ZSCAN5A: variants seen among roughly 807,000 people sequenced by gnomAD.
ZSCAN5A encodes zinc finger and SCAN domain containing 5A.
ZSCAN5A carries 12 observed loss-of-function variants against 23.7 expected under a neutral mutation model. That is an observed-to-expected ratio of 0.51 (90% CI 0.32 to 0.82). ZSCAN5A has a LOEUF of 0.82. ZSCAN5A is among the 40% of genes least tolerant of loss of function. The pLI, the probability that ZSCAN5A is intolerant of heterozygous loss-of-function variation, is 0.03. For missense variants in ZSCAN5A, 597 were observed against 617.9 expected (o/e 0.97, Z 0.36); for synonymous variants, 257 against 239.9 (o/e 1.07, Z -0.66).
intron 2 of ZSCAN5A, among the ~76,000 whole-genome samples, chr19:56,264,155 A>C (rs1330560384): frequency 6.6e-6 from 1 of 151,784 alleles, no homozygotes; most frequent in African/African-American, 2.4e-5. Context: ...CACCTCACCC[A>C]GCTTAATTTT....
chr19:56,225,286 G>C, intron 2 of ZSCAN5A, 113 bp from the exon 3 acceptor site: 8 of 1,026,426 alleles, frequency 7.8e-6, no homozygotes, highest in Non-Finnish European at 9.2e-6. Context: ...ATTCAGCACA[G>C]TGGAAATCTT....
chr19:56,237,259 C>T (rs891049011), intron 2 of ZSCAN5A, among the ~76,000 whole-genome samples: 6 of 152,196 alleles, frequency 3.9e-5, no homozygotes, highest in Non-Finnish European at 5.9e-5. Flanking sequence ...GTGGACAACT[C>T]CATCCGGTAA....
chr19:56,230,826 C>A (rs2034402883), intron 2 of ZSCAN5A, among the ~76,000 whole-genome samples: 1 of 152,172 alleles, frequency 6.6e-6, no homozygotes, highest in Admixed American at 6.5e-5. Flanking sequence ...CTTAGCCTAG[C>A]CTACCTTCGA....
chr19:56,313,630 C>G (rs2041183142), intron 1 of ZSCAN5A, among the ~76,000 whole-genome samples: 1 of 152,210 alleles, frequency 6.6e-6, no homozygotes, highest in Non-Finnish European at 1.5e-5. Flanking sequence ...AATTTTTAAA[C>G]TAGCTTTATA....
intron 2 of ZSCAN5A, among the ~76,000 whole-genome samples, chr19:56,343,618 A>G (rs2041611014): frequency 6.6e-6 from 1 of 152,246 alleles, no homozygotes; most frequent in Non-Finnish European, 1.5e-5. Flanking sequence ...AGACTAATTT[A>G]CAGAAGGTCA....
chr19:56,251,581 A>G (rs2036347000), intron 2 of ZSCAN5A, among the ~76,000 whole-genome samples: 1 of 152,152 alleles, frequency 6.6e-6, no homozygotes, highest in Non-Finnish European at 1.5e-5. Context: ...TGTGTTTTAC[A>G]GGGTCTTATT....
chr19:56,343,603 TTC>T (rs1445936927), intron 2 of ZSCAN5A, among the ~76,000 whole-genome samples: 1 of 152,232 alleles, frequency 6.6e-6, no homozygotes, highest in Non-Finnish European at 1.5e-5. Flanking sequence ...GAAATGGATG[TTC>T]CAAGACTAAT....
Position 56,352,165 on chromosome 19 carries a change from G to C in ZSCAN5A, c.-358+11070C>G, listed in dbSNP as rs1339147697. Reference sequence around the variant, plus strand: ...CACCCAGGCTGGAGTGCAGTGGCACGATCTCAGCTCACTGCAAGCTCCGCC... The same window carrying C: ...CACCCAGGCTGGAGTGCAGTGGCACCATCTCAGCTCACTGCAAGCTCCGCC... On this transcript the variant is annotated intron_variant, in intron 2 of 6. Coordinates refer to the ZSCAN5A transcript ENST00000587340. This position sits in a 1 kb window ranked among gnomAD's most constrained non-coding sequence, Gnocchi z 4.2. 3.3e-5 allele frequency among the ~76,000 whole-genome samples: 5 copies of C among 152,064 alleles called. No individual in the cohort carries two copies. The highest frequency in any genetic ancestry group is 6.6e-5 in the Admixed American group (1 of 15,256).
rs148075502 is a variant in ZSCAN5A at position 56,323,629 on chromosome 19, C to T, written c.-357-7361G>A. Reference sequence around the variant, plus strand: ...TCGGCTCACTGCAACCTCCGCCTCCCGGGTTCAAGCGATTCTCCTGCCTCA... The same window carrying T: ...TCGGCTCACTGCAACCTCCGCCTCCTGGGTTCAAGCGATTCTCCTGCCTCA... On this transcript the variant is annotated intron_variant, in intron 2 of 6. Coordinates refer to the ZSCAN5A transcript ENST00000587340. Among the ~76,000 whole-genome samples the T allele has an allele frequency of 4.0e-3, 600 of 151,362 alleles. 7 individuals carry two copies. Among genetic ancestry groups the T allele is most frequent in the African/African-American group, 0.014 (572 of 41,120 alleles).
intron 2 of ZSCAN5A, among the ~76,000 whole-genome samples, chr19:56,238,259 T>G (rs879912931): frequency 3.9e-5 from 6 of 152,112 alleles, no homozygotes; most frequent in Non-Finnish European, 8.8e-5. Flanking sequence ...GGAGGATTAC[T>G]TGAGGCCAGG....
In ZSCAN5A at chr19:56,221,964, T is replaced by G; in HGVS notation, c.1102A>C (p.Asn368His). ...CDVCEKRFTC[N>H]SKLVIHKRSH... ...CTCTTGTGGATGACTAGCTTGGAAT[T>G]ACACGTAAACCTCTTCTCGCACACG... Residue 368 changes from asparagine to histidine, a missense_variant, in exon 6 of 6, where the codon AAT becomes CAT. This residue lies in a region of ZSCAN5A where 406 missense variants were observed against 353.2 expected (regional missense o/e 1.15). Transcript: ENST00000683990. The G allele has an allele frequency of 6.2e-7, 1 of 1,613,874 alleles. No individual in the cohort carries two copies. The highest frequency in any genetic ancestry group is 8.5e-7 in the Non-Finnish European group (1 of 1,180,020).
intron 2 of ZSCAN5A, among the ~76,000 whole-genome samples, chr19:56,241,514 G>T (rs2035424951): frequency 6.6e-6 from 1 of 152,196 alleles, no homozygotes; most frequent in South Asian, 2.1e-4. Flanking sequence ...TGCTTTGTAG[G>T]ATGTGAACGC....
At chr19:56,302,832 T>C in intron 2 of ZSCAN5A, 1 of 398,778 alleles carries the variant, frequency 2.5e-6, no homozygotes, top group Non-Finnish European at 4.4e-6. Context: ...TGTCTCTTGT[T>C]CTTTCTAAGG....
At chr19:56,319,580 C>G (rs578240615), upstream of ZSCAN5A, among the ~76,000 whole-genome samples, 1 of 150,802 alleles carries the variant, frequency 6.6e-6, no homozygotes, top group South Asian at 2.1e-4. Flanking sequence ...CAGTTCATTT[C>G]CAAACGAGTC....
At chr19:56,284,267 C>CTGTAATTTTTTTTTTTTT in intron 2 of ZSCAN5A, 1 of 754,676 alleles carries the variant, frequency 1.3e-6, no homozygotes, top group Non-Finnish European at 1.6e-6. Context: ...AAATTTTGGG[C>CTGTAATTTTTTTTTTTTT]TTTGCTCTAG....
At chr19:56,232,909 T>C (rs1276176025) in intron 2 of ZSCAN5A, among the ~76,000 whole-genome samples, 4 of 152,162 alleles carry the variant, frequency 2.6e-5, no homozygotes, top group Non-Finnish European at 5.9e-5. Context: ...CTTTAACTCC[T>C]GGACCCAAGC....
At chr19:56,304,255 G>A (rs529559798) in intron 2 of ZSCAN5A, among the ~76,000 whole-genome samples, 5 of 152,218 alleles carry the variant, frequency 3.3e-5, no homozygotes, top group Admixed American at 6.5e-5. Flanking sequence ...CTGCTTATGC[G>A]CTGGGTGTGA....
At chr19:56,228,500 G>T (rs951675405) in intron 2 of ZSCAN5A, 29 of 943,296 alleles carry the variant, frequency 3.1e-5, no homozygotes, top group Non-Finnish European at 3.5e-5. Flanking sequence ...AATATTTCCC[G>T]CTCTACTGAG....
chr19:56,230,323 A>C (rs573707228), intron 2 of ZSCAN5A, among the ~76,000 whole-genome samples: 2 of 152,194 alleles, frequency 1.3e-5, no homozygotes, highest in South Asian at 4.2e-4. Context: ...TGACCTCGTG[A>C]TCCACCCGCC....
Sources: allele counts gnomAD v4.1 joint callset (sites outside exome capture counted in the v4.1 genomes callset), GRCh38; gene constraint gnomAD v4.1.1; regional missense constraint gnomAD v4.1.1; non-coding constraint Gnocchi (gnomAD v3.1); transcripts MANE v1.5; gene names NCBI Gene and HGNC (gene_info 2026-07-23, HGNC 2026-07-21).